The following FSIP1 variants were observed in gnomAD, a reference collection of about 807,000 sequenced individuals.
The protein encoded by FSIP1 is fibrous sheath interacting protein 1.
In FSIP1, 65 loss-of-function variants were observed where a neutral mutation model predicts 60.9. The observed-to-expected ratio is 1.07, with a 90% CI of 0.87 to 1.31. The LOEUF is 1.31. Ranked by LOEUF, FSIP1 falls within the 40% of genes most tolerant of loss-of-function variation. The probability of loss-of-function intolerance (pLI) is 0.00; values close to 1 mark genes in which losing one functional copy is unlikely to be tolerated. For synonymous variants in FSIP1, 209 were observed against 221.2 expected, an observed-to-expected ratio of 0.94 and a Z score of 0.49; for missense variants, 675 against 665.5, an observed-to-expected ratio of 1.01 and a Z score of -0.16.
At chr15:39,690,071 A>C (rs985185115) in intron 10 of FSIP1, among the ~76,000 whole-genome samples, 37 of 152,220 alleles carry the variant, frequency 2.4e-4, no homozygotes, top group Admixed American at 2.3e-3. Flanking sequence ...AAAACAGGGA[A>C]GAATAACATG....
chr15:39,609,314 T>C (rs1218967288), intron 11 of FSIP1, among the ~76,000 whole-genome samples: 2 of 152,156 alleles, frequency 1.3e-5, no homozygotes, highest in African/African-American at 4.8e-5. Context: ...CTTCCCCACC[T>C]AGCTCTGGTG....
At chr15:39,598,296 A>T (rs575015669), downstream of FSIP1, 21 of 152,346 alleles carry the variant, frequency 1.4e-4, no homozygotes, top group African/African-American at 4.8e-4. Context: ...TTTCACTCTC[A>T]TTCTATAAAT....
intron 9 of FSIP1, among the ~76,000 whole-genome samples, chr15:39,725,655 T>C (rs1171875353): frequency 6.6e-6 from 1 of 152,136 alleles, no homozygotes; most frequent in Non-Finnish European, 1.5e-5. Flanking sequence ...TGCTACAGGG[T>C]TATTACTCTC....
chr15:39,721,178 A>G (rs573028534), intron 9 of FSIP1, among the ~76,000 whole-genome samples: 1 of 152,338 alleles, frequency 6.6e-6, no homozygotes, highest in East Asian at 1.9e-4. Flanking sequence ...ACATTCCTAG[A>G]GTTCCTCAAA....
At chr15:39,712,202 C>T (rs1034559294) in intron 10 of FSIP1, among the ~76,000 whole-genome samples, 2 of 139,214 alleles carry the variant, frequency 1.4e-5, no homozygotes, top group African/African-American at 5.9e-5. Context: ...TGTGTCAGTG[C>T]TGCTGCAGTG....
chr15:39,602,262 T>G (rs1890667707), intron 11 of FSIP1: 1 of 451,112 alleles, frequency 2.2e-6, no homozygotes, highest in South Asian at 1.6e-5. Flanking sequence ...AGGCAGAGAC[T>G]GGAGTGACGT....
intron 10 of FSIP1, among the ~76,000 whole-genome samples, chr15:39,689,430 T>C (rs1326632586): frequency 1.3e-5 from 2 of 152,164 alleles, no homozygotes; most frequent in Non-Finnish European, 2.9e-5. Context: ...AGTTCCAACC[T>C]TCTAATCATG....
At chr15:39,743,084 T>C (rs897435125) in intron 5 of FSIP1, among the ~76,000 whole-genome samples, 1 of 152,220 alleles carries the variant, frequency 6.6e-6, no homozygotes, top group Non-Finnish European at 1.5e-5. Context: ...ATTTACATCA[T>C]AGTCCTGAAG....
rs374878441 is a variant in FSIP1, at chr15:39,695,329, T to C, written c.1188+18115A>G. ...CCCCGTGGCACCCAGTACCCAACTG[T>C]TCCTCTTCTGCTTGCCTCACTCTGC... On this transcript the variant is annotated intron_variant, in intron 10 of 11. Coordinates refer to ENST00000350221, the MANE Select transcript of FSIP1 (RefSeq NM_152597.5). Among the ~76,000 whole-genome samples, 5 of 151,710 alleles carry C rather than the reference T, an allele frequency of 3.3e-5. 1 individual carries two copies. Among genetic ancestry groups the C allele is most frequent in the Admixed American group, 6.6e-5 (1 of 15,214 alleles).
intron 11 of FSIP1, among the ~76,000 whole-genome samples, chr15:39,601,573 A>G (rs1890640882): frequency 6.6e-6 from 1 of 152,248 alleles, no homozygotes; most frequent in East Asian, 1.9e-4. Context: ...AAATGAAAGC[A>G]TACATCCATA....
At chr15:39,633,902 T>C (rs1892016551) in intron 10 of FSIP1, among the ~76,000 whole-genome samples, 1 of 152,190 alleles carries the variant, frequency 6.6e-6, no homozygotes, top group Admixed American at 6.5e-5. Context: ...ACAACATTCC[T>C]AAACGATCTA....
chr15:39,778,165 CT>C (rs1333940161), intron 1 of FSIP1, among the ~76,000 whole-genome samples: 2 of 152,186 alleles, frequency 1.3e-5, no homozygotes, highest in East Asian at 3.8e-4. Flanking sequence ...ACCCTGGCCC[CT>C]CACATCAAAA....
At chr15:39,754,673 G>A (rs1897253589) in intron 5 of FSIP1, among the ~76,000 whole-genome samples, 1 of 152,102 alleles carries the variant, frequency 6.6e-6, no homozygotes, top group Admixed American at 6.6e-5. Flanking sequence ...AGGAGACTAG[G>A]TGGGTGATGA....
At chr15:39,767,118 G>A (rs1372787116) in intron 3 of FSIP1, among the ~76,000 whole-genome samples, 1 of 152,048 alleles carries the variant, frequency 6.6e-6, no homozygotes, top group African/African-American at 2.4e-5. Context: ...CCAAATGCTG[G>A]GATTACAGGT....
chr15:39,714,972 C>A (rs1429390745), intron 9 of FSIP1, among the ~76,000 whole-genome samples: 386 of 89,422 alleles, frequency 4.3e-3, no homozygotes, highest in South Asian at 7.9e-3. Flanking sequence ...GACTCTGTCT[C>A]AAAAAAAAAA....
intron 11 of FSIP1, among the ~76,000 whole-genome samples, chr15:39,602,034 G>A (rs778799057): frequency 1.2e-4 from 19 of 152,200 alleles, no homozygotes; most frequent in Non-Finnish European, 2.2e-4. Flanking sequence ...GGGATGAATT[G>A]TAGGAAGCTG....
At chr15:39,655,854 A>G (rs1264674254) in intron 10 of FSIP1, among the ~76,000 whole-genome samples, 1 of 152,218 alleles carries the variant, frequency 6.6e-6, no homozygotes, top group Non-Finnish European at 1.5e-5. Flanking sequence ...CACTGTTCCA[A>G]GAACAAGGAT....
chr15:39,632,528 C>T (rs1891939624), intron 10 of FSIP1, among the ~76,000 whole-genome samples: 5 of 152,100 alleles, frequency 3.3e-5, no homozygotes, highest in Admixed American at 3.3e-4. Context: ...GGCATGGTGG[C>T]TCAAGCCTGT....
chr15:39,751,036 C>T (rs1897146269), intron 5 of FSIP1, among the ~76,000 whole-genome samples: 1 of 151,836 alleles, frequency 6.6e-6, no homozygotes, highest in East Asian at 1.9e-4. Context: ...CTCAACATCA[C>T]TAATCATCAG....
Sources: allele counts gnomAD v4.1 joint callset (sites outside exome capture counted in the v4.1 genomes callset), GRCh38; gene constraint gnomAD v4.1.1; transcripts MANE v1.5; gene names NCBI Gene and HGNC (gene_info 2026-07-23, HGNC 2026-07-21).